Variants in ADK observed in about 807,000 individuals in gnomAD.
ADK encodes adenosine kinase, also known as N6,N6-dimethyladenosine kinase.
In ADK, 24 loss-of-function variants were observed where a neutral mutation model predicts 44.7. That is an observed-to-expected ratio of 0.54 (90% CI 0.39 to 0.76). The LOEUF is 0.76. Among genes scored for constraint, ADK ranks in the 30% least tolerant of loss-of-function variants. The pLI, the probability that ADK is intolerant of heterozygous loss-of-function variation, is 0.00. For synonymous variants in ADK, 128 were observed against 142.6 expected (o/e 0.90, Z 0.73); for missense variants, 321 against 425.1 (o/e 0.76, Z 2.15).
chr10:74,363,161 A>C, intron 4 of ADK, among the ~76,000 whole-genome samples: 1 of 152,132 alleles, frequency 6.6e-6, no homozygotes, highest in South Asian at 2.1e-4. Context: ...GGGCCCCTTC[A>C]GTATCTACTA....
chr10:74,530,351 T>C (rs973436433), intron 7 of ADK, among the ~76,000 whole-genome samples: 1 of 152,182 alleles, frequency 6.6e-6, no homozygotes, highest in African/African-American at 2.4e-5. Flanking sequence ...AAGTATACTG[T>C]GTTTAGTATA....
rs1205924815 is a variant in ADK at position 74,218,221 on chromosome 10, T to C, written c.141-6317T>C. ...CAAGGCCCGAGAACTACGTGAAGAA[T>C]GCAGAAGCCTCAGGAGCCGATGTGA... On this transcript the variant is annotated intron_variant, in intron 2 of 10. Transcript: ENST00000539909. Among the ~76,000 whole-genome samples, 5 of 152,154 alleles carry C rather than the reference T, an allele frequency of 3.3e-5. No individual in the cohort carries two copies. In the East Asian group the frequency reaches 7.7e-4, roughly 23 times the overall value.
At position 74,176,392 on chromosome 10, in the gene ADK, G is replaced by A. The variant is rs962108661; in HGVS notation, c.66-24372G>A. 6.3e-6 allele frequency: 6 copies of A among 949,062 alleles called. No homozygotes were observed. In the East Asian group the frequency reaches 4.4e-4, roughly 69 times the overall value. The allele number at this position is 949,062 out of a possible 1,614,324, so 58.8% of individuals were successfully genotyped here. On this transcript the variant is annotated intron_variant, in intron 1 of 10. Transcript: ENST00000539909. Reference sequence around the variant, plus strand: ...TGTTAAATCCCACTCCCGAAGACCTGCCCTGACAGCGCCTCTTTCCTAAGT... The same window carrying A: ...TGTTAAATCCCACTCCCGAAGACCTACCCTGACAGCGCCTCTTTCCTAAGT...
intron 8 of ADK, among the ~76,000 whole-genome samples, chr10:74,593,765 G>GT (rs975660997): frequency 6.6e-6 from 1 of 152,184 alleles, no homozygotes; most frequent in African/African-American, 2.4e-5. Context: ...ACAGAACTAG[G>GT]TAGACTGTGA....
At chr10:74,397,543 T>C in intron 5 of ADK, among the ~76,000 whole-genome samples, 1 of 152,172 alleles carries the variant, frequency 6.6e-6, no homozygotes, top group African/African-American at 2.4e-5. Context: ...TTTATTTATT[T>C]ATTTATTTTT....
intron 3 of ADK, among the ~76,000 whole-genome samples, chr10:74,306,060 C>T (rs182652360): frequency 1.9e-3 from 289 of 151,758 alleles, no homozygotes; most frequent in Non-Finnish European, 3.5e-3. Flanking sequence ...TTTTCTGCAC[C>T]GCACTTCTTT....
chr10:74,598,440 C>CTTTTTTTTTTTTTT (rs367982701), intron 8 of ADK, among the ~76,000 whole-genome samples: 2 of 114,072 alleles, frequency 1.8e-5, no homozygotes, highest in Non-Finnish European at 3.3e-5. Context: ...GAATCTTATT[C>CTTTTTTTTTTTTTT]CTTTTTTTTT....
chr10:74,458,778 T>C (rs1846052556), intron 6 of ADK, among the ~76,000 whole-genome samples: 1 of 152,206 alleles, frequency 6.6e-6, no homozygotes, highest in Admixed American at 6.5e-5. Context: ...GAAATAGTAC[T>C]AATCTGCCTT....
At chr10:74,569,211 A>G (rs1353583775) in intron 7 of ADK, among the ~76,000 whole-genome samples, 3 of 152,062 alleles carry the variant, frequency 2.0e-5, no homozygotes, top group Non-Finnish European at 4.4e-5. Flanking sequence ...AGTCTTTGCT[A>G]TTGTGAATAG....
chr10:74,518,244 G>A (rs1848671171), intron 6 of ADK, among the ~76,000 whole-genome samples: 1 of 152,244 alleles, frequency 6.6e-6, no homozygotes, highest in Non-Finnish European at 1.5e-5. Context: ...ACAGACGACA[G>A]TGATACATCT....
intron 1 of ADK, among the ~76,000 whole-genome samples, chr10:74,183,912 T>C (rs1842651408): frequency 6.6e-6 from 1 of 151,900 alleles, no homozygotes. Flanking sequence ...CTGAGATTAT[T>C]TTATTTTATT....
chr10:74,493,874 A>G (rs1847585261), intron 6 of ADK, among the ~76,000 whole-genome samples: 1 of 152,134 alleles, frequency 6.6e-6, no homozygotes, highest in African/African-American at 2.4e-5. Context: ...AACAGCCATC[A>G]TATGTATGTG....
chr10:74,151,981 T>C (rs373927271), intron 1 of ADK, among the ~76,000 whole-genome samples: 67 of 152,332 alleles, frequency 4.4e-4, no homozygotes, highest in African/African-American at 1.5e-3. Context: ...GCCTCACATG[T>C]GATTGATGTT....
intron 6 of ADK, among the ~76,000 whole-genome samples, chr10:74,447,648 G>A (rs1845631459): frequency 1.3e-5 from 2 of 152,018 alleles, no homozygotes; most frequent in Admixed American, 1.3e-4. Flanking sequence ...TGAAGGCTTC[G>A]CTAATAATCT....
chr10:74,489,678 A>ATT (rs555821011), intron 6 of ADK, among the ~76,000 whole-genome samples: 5,337 of 147,482 alleles, frequency 0.036, 274 homozygotes, highest in African/African-American at 0.11. Flanking sequence ...GGATGTCATA[A>ATT]TTTTTTTTTT....
At chr10:74,489,275 A>T (rs571156205) in intron 6 of ADK, among the ~76,000 whole-genome samples, 1 of 152,010 alleles carries the variant, frequency 6.6e-6, no homozygotes, top group Non-Finnish European at 1.5e-5. Flanking sequence ...AGCCTCACAC[A>T]TAAAAATATA....
chr10:74,230,470 A>T (rs1403485546), intron 3 of ADK, among the ~76,000 whole-genome samples: 2 of 147,826 alleles, frequency 1.4e-5, no homozygotes, highest in Admixed American at 6.7e-5. Flanking sequence ...CTCTAAGTAT[A>T]TAGTCTTTTT....
Position 74,331,289 on chromosome 10 carries a change from T to C in ADK, c.273+16544T>C, listed in dbSNP as rs1841209716. Among the ~76,000 whole-genome samples the C allele has an allele frequency of 2.0e-5, 3 of 148,614 alleles. No individual in the cohort carries two copies. The South Asian group carries it at 6.3e-4, about 31-fold the overall frequency. On this transcript the variant is annotated intron_variant, in intron 4 of 10. Coordinates refer to ENST00000539909, the MANE Select transcript of ADK (RefSeq NM_006721.4). The stretch of plus-strand genomic sequence containing the variant: ...AATTTTCTGGTTTTGAAAACCTGTT[T>C]TGATTTTTTTTTCTCACAAACACGA...
At chr10:74,275,201 T>G (rs932635971) in intron 3 of ADK, among the ~76,000 whole-genome samples, 1 of 152,112 alleles carries the variant, frequency 6.6e-6, no homozygotes, top group South Asian at 2.1e-4. Context: ...CCTTTCCTGA[T>G]CATTTGATGA....
Sources: allele counts gnomAD v4.1 joint callset (sites outside exome capture counted in the v4.1 genomes callset), GRCh38; gene constraint gnomAD v4.1.1; transcripts MANE v1.5; gene names NCBI Gene and HGNC (gene_info 2026-07-23, HGNC 2026-07-21).